Variants in KICS2 observed in about 807,000 individuals in gnomAD.
The protein encoded by KICS2 is KICSTOR complex protein C12orf66.
In KICS2, 13 loss-of-function variants were observed where a neutral mutation model predicts 31.4. The observed-to-expected ratio is 0.41, with a 90% CI of 0.27 to 0.66. The LOEUF is 0.66. KICS2 is among the 30% of genes least tolerant of loss of function. The pLI is 0.28. For missense variants in KICS2, 455 were observed against 545.4 expected (o/e 0.83, Z 1.65); for synonymous variants, 209 against 214.8 (o/e 0.97, Z 0.24).
At chr12:64,206,949 G>A (rs538282015) in intron 2 of KICS2, among the ~76,000 whole-genome samples, 11 of 152,154 alleles carry the variant, frequency 7.2e-5, no homozygotes, top group African/African-American at 2.7e-4. Flanking sequence ...ATATTCTAAA[G>A]ATCTACTACA....
At chr12:64,213,209 G>A (rs1051006235) in intron 2 of KICS2, among the ~76,000 whole-genome samples, 4 of 152,064 alleles carry the variant, frequency 2.6e-5, no homozygotes, top group South Asian at 2.1e-4. Context: ...CACACAACTC[G>A]TATTCCTAGC....
At position 64,194,057 on chromosome 12, in the gene KICS2, G is replaced by A. The variant is rs1300670857; in HGVS notation, c.1123C>T (p.Leu375=). The A allele has an allele frequency of 6.2e-7, 1 of 1,614,014 alleles. No homozygotes were observed. The highest frequency in any genetic ancestry group is 2.2e-5 in the East Asian group (1 of 44,882). Residue 375 remains leucine, a synonymous_variant, in exon 3 of 3, where the codon CTG becomes TTG. Coordinates refer to ENST00000398055, the MANE Select transcript of KICS2 (RefSeq NM_152440.5). ...TGGACCACTTTCTCCAAGCTGTTCA[G>A]ATCAGATGTGCGGTCCGTCATGATC... The part of the protein sequence containing the change: ...IMIMTDRTSD[L]NSLEKVVHFY...
intron 1 of KICS2, among the ~76,000 whole-genome samples, chr12:64,216,766 T>G (rs1410279000): frequency 1.3e-5 from 2 of 152,182 alleles, no homozygotes; most frequent in African/African-American, 4.8e-5. Context: ...AGCATAGATA[T>G]CATTTACTCA....
rs963054645 is a variant in KICS2 at position 64,215,798 on chromosome 12, T to C, written c.401A>G (p.Gln134Arg). 2 of 1,614,110 alleles carry C rather than the reference T, an allele frequency of 1.2e-6. No homozygotes were observed. Among genetic ancestry groups the C allele is most frequent in the Non-Finnish European group, 1.7e-6 (2 of 1,180,010 alleles). ...GAAGTCTGCTATCTCCATCCGAGCC[T>C]GAACAAAGAAGCAGAGCTGCTCTGA... ...HLSEQLCFFV[Q>R]ARMEIADFYE... The change falls in exon 2 of 3, where the codon CAG becomes CGG. Residue 134 changes from glutamine to arginine, a missense_variant. Gln to Arg is a conservative substitution (Grantham distance 43, BLOSUM62 1). Transcript: ENST00000398055.
At chr12:64,216,254 T>C (rs1318544819) in intron 1 of KICS2, among the ~76,000 whole-genome samples, 1 of 151,422 alleles carries the variant, frequency 6.6e-6, no homozygotes, top group Non-Finnish European at 1.5e-5. Context: ...TGGACCTGTG[T>C]ACAATTTGCT....
chr12:64,205,838 A>T (rs973453062), intron 2 of KICS2, among the ~76,000 whole-genome samples: 6 of 129,754 alleles, frequency 4.6e-5, no homozygotes, highest in African/African-American at 1.7e-4. Flanking sequence ...TAAAATGAAT[A>T]GATTTGTGTA....
chr12:64,195,796 A>G (rs1235982084), intron 2 of KICS2, among the ~76,000 whole-genome samples: 26 of 151,856 alleles, frequency 1.7e-4, no homozygotes, highest in South Asian at 1.5e-3. Context: ...TGGGAAGCGC[A>G]AGGGGTCAGG....
chr12:64,190,745 C>CAAAA (rs200719134), downstream of KICS2, among the ~76,000 whole-genome samples: 1 of 138,476 alleles, frequency 7.2e-6, no homozygotes, highest in East Asian at 2.0e-4. Flanking sequence ...CTTGCCTTTT[C>CAAAA]AAAAAAAAAA....
rs59253153 is a variant in KICS2, at chr12:64,193,451, T to C, written c.*391A>G. On this transcript the variant is annotated 3_prime_UTR_variant, in exon 3 of 3. Coordinates refer to ENST00000398055, the MANE Select transcript of KICS2 (RefSeq NM_152440.5). ...AGGCCATTTAATATCTCATCCCTATTACTCTTCCAAGAAGGAGGGAAACAG... is the reference window on the plus strand; with the variant it reads ...AGGCCATTTAATATCTCATCCCTATCACTCTTCCAAGAAGGAGGGAAACAG... The C allele has an allele frequency of 4.2e-4, 421 of 1,003,024 alleles. 3 individuals are homozygous for C. The highest frequency in any genetic ancestry group is 3.6e-3 in the African/African-American group (209 of 57,778). The allele number at this position is 1,003,024 out of a possible 1,614,324, so 62.1% of individuals were successfully genotyped here.
Position 64,193,914 on chromosome 12 carries a change from G to T in KICS2, c.1266C>A (p.Phe422Leu). 6.2e-7 allele frequency: 1 copy of T among 1,614,192 alleles called. No individual in the cohort carries two copies. The highest frequency in any genetic ancestry group is 1.3e-5 in the African/African-American group (1 of 75,052). The change falls in exon 3 of 3, where the codon TTC (phenylalanine) becomes TTA (leucine). Residue 422 changes from phenylalanine (F) to leucine (L), a missense_variant. Phe to Leu is a conservative substitution (Grantham distance 22). Coordinates refer to ENST00000398055, the MANE Select transcript of KICS2 (RefSeq NM_152440.5). ...TAAGGGCAAGTGAGACCTCATTGAGGAAGGAAATAAAGTGGGAGTCTCTCT... is the reference window on the plus strand; with the variant it reads ...TAAGGGCAAGTGAGACCTCATTGAGTAAGGAAATAAAGTGGGAGTCTCTCT... ...KSERDSHFIS[F>L]LNEVSLALKN...
chr12:64,216,101 G>C, intron 1 of KICS2, 138 bp from the exon 2 acceptor site: 1 of 470,760 alleles, frequency 2.1e-6, no homozygotes, highest in Non-Finnish European at 3.4e-6. Flanking sequence ...CTCTGTCTAT[G>C]ATTGAGATAT....
Position 64,193,581 on chromosome 12 carries a change from A to G in KICS2, c.*261T>C, listed in dbSNP as rs2037402114. 1 of 1,216,348 alleles carries G rather than the reference A, an allele frequency of 8.2e-7. No homozygotes were observed. Among genetic ancestry groups the G allele is most frequent in the Non-Finnish European group, 1.0e-6 (1 of 977,228 alleles). 75.3% of individuals were successfully genotyped at this position (1,216,348 alleles called of 1,614,324 possible). The stretch of plus-strand genomic sequence containing the variant: ...TATTCAATCTACAAGAAATATAGCA[A>G]AATAGGGGAAAATACTGAAACTACT... On this transcript the variant is annotated 3_prime_UTR_variant, in exon 3 of 3. Coordinates refer to ENST00000398055, the MANE Select transcript of KICS2 (RefSeq NM_152440.5).
At chr12:64,204,592 G>A (rs1182237099) in intron 2 of KICS2, among the ~76,000 whole-genome samples, 2 of 152,054 alleles carry the variant, frequency 1.3e-5, no homozygotes, top group East Asian at 3.9e-4. Context: ...TTCGAAACCG[G>A]CCTGGGCAAC....
At chr12:64,189,085 G>A (rs1374405030), downstream of KICS2, among the ~76,000 whole-genome samples, 6 of 151,954 alleles carry the variant, frequency 3.9e-5, no homozygotes, top group Admixed American at 1.3e-4. Context: ...CCCTGGAGGC[G>A]GAGGTTGTGG....
chr12:64,218,738 A>G, intron 1 of KICS2, among the ~76,000 whole-genome samples: 1 of 152,116 alleles, frequency 6.6e-6, no homozygotes, highest in East Asian at 1.9e-4. Flanking sequence ...ACTTCATCAG[A>G]TTACCCCTAT....
intron 1 of KICS2, among the ~76,000 whole-genome samples, chr12:64,218,198 A>C (rs1423683780): frequency 6.6e-6 from 1 of 152,196 alleles, no homozygotes; most frequent in Non-Finnish European, 1.5e-5. Context: ...AGCTCTGCTG[A>C]TTTTGTACAG....
At chr12:64,201,704 A>G (rs2037491787) in intron 2 of KICS2, among the ~76,000 whole-genome samples, 1 of 151,484 alleles carries the variant, frequency 6.6e-6, no homozygotes, top group Non-Finnish European at 1.5e-5. Context: ...TTAGCCGGGC[A>G]TGGTGACATG....
Position 64,215,907 on chromosome 12 carries a change from G to A in KICS2, c.292C>T (p.His98Tyr), listed in dbSNP as rs762406292. The A allele has an allele frequency of 6.8e-6, 11 of 1,613,852 alleles. No individual in the cohort carries two copies. The East Asian group carries it at 2.5e-4, about 36-fold the overall frequency. Residue 98 changes from histidine (H) to tyrosine (Y), a missense_variant, in exon 2 of 3, where the codon CAT (histidine) becomes TAT (tyrosine). Transcript: ENST00000398055. ...GTCACCACCTTCTTCAGCTCATTAT[G>A]CAATGAAGTATAGATGGTGCGGATG... is the stretch of plus-strand genomic sequence containing the variant. ...DSIRTIYTSL[H>Y]NELKKVVTGR...
chr12:64,213,087 C>CAAAAAAAA (rs1235001391), intron 2 of KICS2, among the ~76,000 whole-genome samples: 4 of 69,160 alleles, frequency 5.8e-5, no homozygotes, highest in African/African-American at 2.3e-4. Context: ...GAGACAAACT[C>CAAAAAAAA]AAAAAAAAAA....
Sources: allele counts gnomAD v4.1 joint callset (sites outside exome capture counted in the v4.1 genomes callset), GRCh38; gene constraint gnomAD v4.1.1; transcripts MANE v1.5; gene names NCBI Gene and HGNC (gene_info 2026-07-23, HGNC 2026-07-21).